The following SH3PXD2A variants were observed in gnomAD, a reference collection of about 807,000 sequenced individuals.
SH3PXD2A encodes SH3 and PX domains 2A.
In SH3PXD2A, 32 loss-of-function variants were observed where a neutral mutation model predicts 115.2. The observed-to-expected ratio is 0.28, with a 90% CI of 0.21 to 0.37. The LOEUF (loss-of-function observed/expected upper bound fraction) is 0.37, where lower values mean the gene tolerates loss of function less well. Among genes scored for constraint, SH3PXD2A ranks in the 10% least tolerant of loss-of-function variants. The probability of loss-of-function intolerance (pLI) is 1.00; values close to 1 mark genes in which losing one functional copy is unlikely to be tolerated. For synonymous variants in SH3PXD2A, 610 were observed against 629.1 expected (o/e 0.97, Z 0.45); for missense variants, 1,328 against 1,498.7 (o/e 0.89, Z 1.88).
At chr10:103,791,735 C>T (rs778713876) in intron 2 of SH3PXD2A, among the ~76,000 whole-genome samples, 3 of 152,028 alleles carry the variant, frequency 2.0e-5, no homozygotes, top group Non-Finnish European at 4.4e-5. Context: ...CCCACAAGCA[C>T]AGGGGTCTTC....
At chr10:103,744,784 A>G (rs1387112934) in intron 3 of SH3PXD2A, among the ~76,000 whole-genome samples, 1 of 152,216 alleles carries the variant, frequency 6.6e-6, no homozygotes, top group Non-Finnish European at 1.5e-5. Context: ...CAGCAGCCTG[A>G]GGCATACTGA....
chr10:103,601,601 T>C lies in SH3PXD2A; in HGVS notation c.*215A>G. ...GCCTGGGACTCCCTGGTCCATTCCC[T>C]TCCTCACTCAGTGTGGGCACCCCCA... On this transcript the variant is annotated 3_prime_UTR_variant, in exon 15 of 15. Transcript: ENST00000369774. The C allele has an allele frequency of 2.0e-6, 1 of 510,220 alleles. No homozygotes were observed. The highest frequency in any genetic ancestry group is 2.6e-5 in the South Asian group (1 of 38,100). The allele number at this position is 510,220 out of a possible 1,614,324, so 31.6% of individuals were successfully genotyped here.
intron 1 of SH3PXD2A, among the ~76,000 whole-genome samples, chr10:103,824,073 T>A (rs982344135): frequency 6.6e-6 from 1 of 152,152 alleles, no homozygotes; most frequent in Non-Finnish European, 1.5e-5. Flanking sequence ...CGGGGCTATT[T>A]TGAAGCTCTG....
At chr10:103,658,298 G>A (rs1352289137) in intron 8 of SH3PXD2A, among the ~76,000 whole-genome samples, 1 of 152,220 alleles carries the variant, frequency 6.6e-6, no homozygotes, top group Non-Finnish European at 1.5e-5. Context: ...CTGTGGGCAA[G>A]GCAAGGCCCA....
chr10:103,840,637 G>A (rs115818065), intron 1 of SH3PXD2A, among the ~76,000 whole-genome samples: 486 of 152,322 alleles, frequency 3.2e-3, no homozygotes, highest in African/African-American at 0.011. Context: ...CTGGAGTCCC[G>A]CTGCCTGGCT....
intron 7 of SH3PXD2A, among the ~76,000 whole-genome samples, chr10:103,662,361 G>GGGGGA (rs2037321883): frequency 9.6e-6 from 1 of 104,418 alleles, no homozygotes. Context: ...GGCGGGGGGG[G>GGGGGA]ATAAGACACT....
rs2036179323 is a variant in SH3PXD2A at position 103,599,118 on chromosome 10, TAA to T, written c.*2696_*2697del. The T allele has an allele frequency of 6.6e-6, 1 of 152,494 alleles. No homozygotes were observed. Among genetic ancestry groups the T allele is most frequent in the African/African-American group, 2.4e-5 (1 of 41,398 alleles). 9.4% of individuals were successfully genotyped at this position (152,494 alleles called of 1,614,324 possible). A position where few individuals can be genotyped will look rare whatever the true frequency, so the allele number is the denominator to read the frequency against. Reference sequence around the variant, plus strand: ...TTAATGTAGTGGGGAGATCTGTCATTAACTAGCTGTGGGATTTTGGAAAAGTT... The same window carrying T: ...TTAATGTAGTGGGGAGATCTGTCATTCTAGCTGTGGGATTTTGGAAAAGTT... On this transcript the variant is annotated 3_prime_UTR_variant, in exon 15 of 15. Transcript: ENST00000369774.
chr10:103,675,928 A>G (rs1394076119), intron 6 of SH3PXD2A, among the ~76,000 whole-genome samples: 1 of 152,124 alleles, frequency 6.6e-6, no homozygotes, highest in Admixed American at 6.5e-5. Context: ...AATCTCAGCT[A>G]CTTGGGCGGC....
At chr10:103,645,441 C>G (rs1301847515) in intron 8 of SH3PXD2A, among the ~76,000 whole-genome samples, 1 of 152,166 alleles carries the variant, frequency 6.6e-6, no homozygotes, top group African/African-American at 2.4e-5. Flanking sequence ...CTTCAAGGAC[C>G]CAAGGCACAG....
rs539208910 is a variant in SH3PXD2A at position 103,772,821 on chromosome 10, C to A, written c.154-5652G>T. 7.9e-5 allele frequency among the ~76,000 whole-genome samples: 12 copies of A among 152,300 alleles called. No homozygotes were observed. The East Asian group carries it at 1.2e-3, about 15-fold the overall frequency. On this transcript the variant is annotated intron_variant, in intron 2 of 14. Transcript: ENST00000369774. ...CTCCCAGAGACTCAAGCTTTCAGGC[C>A]CCAATCCTCAAACCTTCATCCTTGT... is the stretch of plus-strand genomic sequence containing the variant.
intron 4 of SH3PXD2A, among the ~76,000 whole-genome samples, chr10:103,731,180 A>C (rs2038315534): frequency 6.8e-6 from 1 of 146,782 alleles, no homozygotes; most frequent in African/African-American, 2.5e-5. Context: ...TTTTTTTTTG[A>C]AACAGGGTCT....
chr10:103,823,692 G>C (rs1362229913), intron 1 of SH3PXD2A, among the ~76,000 whole-genome samples: 1 of 152,232 alleles, frequency 6.6e-6, no homozygotes, highest in Non-Finnish European at 1.5e-5. Flanking sequence ...TCCAGTCCCG[G>C]TGGGACTGAT....
intron 2 of SH3PXD2A, among the ~76,000 whole-genome samples, chr10:103,788,684 T>C (rs1468091152): frequency 6.6e-6 from 1 of 151,984 alleles, no homozygotes; most frequent in Non-Finnish European, 1.5e-5. Flanking sequence ...CTGGCCAACA[T>C]GGAGAAACCC....
intron 6 of SH3PXD2A, among the ~76,000 whole-genome samples, chr10:103,673,763 T>C (rs1057096764): frequency 3.3e-5 from 5 of 152,156 alleles, no homozygotes; most frequent in African/African-American, 4.8e-5. Context: ...GAGTGGGCCA[T>C]GAGCCCAGGT....
chr10:103,802,919 G>A (rs1488300078), intron 1 of SH3PXD2A, among the ~76,000 whole-genome samples: 1 of 152,312 alleles, frequency 6.6e-6, no homozygotes, highest in African/African-American at 2.4e-5. Flanking sequence ...GAATAAAATA[G>A]CCAGTGAGGC....
rs564198467 is a variant in SH3PXD2A, at chr10:103,786,023, AAGAGAGAC to A, written c.153+15251_153+15258del. Among the ~76,000 whole-genome samples the A allele has an allele frequency of 1.1e-3, 166 of 152,170 alleles. No homozygotes were observed. The Middle Eastern group carries it at 0.037, about 34-fold the overall frequency. Reference sequence around the variant, plus strand: ...CAGAGAGAAATAGAGAAACTGAGGAAAGAGAGACAGAGAGAGAACACCACAGGGAGAAT... The same window carrying A: ...CAGAGAGAAATAGAGAAACTGAGGAAAGAGAGAGAACACCACAGGGAGAAT... On this transcript the variant is annotated intron_variant, in intron 2 of 14. Transcript: ENST00000369774.
At chr10:103,752,429 G>A (rs1486211767) in intron 3 of SH3PXD2A, among the ~76,000 whole-genome samples, 1 of 152,180 alleles carries the variant, frequency 6.6e-6, no homozygotes, top group African/African-American at 2.4e-5. Flanking sequence ...TTTCACAGAC[G>A]AGGGAACTCA....
At chr10:103,831,032 C>A (rs999133021) in intron 1 of SH3PXD2A, among the ~76,000 whole-genome samples, 1 of 152,176 alleles carries the variant, frequency 6.6e-6, no homozygotes, top group Non-Finnish European at 1.5e-5. Flanking sequence ...AAGACAGGTG[C>A]GAAGCATCCT....
chr10:103,750,956 G>T (rs979838505), intron 3 of SH3PXD2A, among the ~76,000 whole-genome samples: 2 of 152,200 alleles, frequency 1.3e-5, no homozygotes, highest in African/African-American at 4.8e-5. Flanking sequence ...GCTAGGCCAC[G>T]CAGAGAGGCT....
Sources: gnomAD v4.1 joint callset for allele counts (sites outside exome capture counted in the v4.1 genomes callset) on GRCh38, gnomAD v4.1.1 for gene constraint, MANE v1.5 for transcripts, NCBI Gene and HGNC (gene_info 2026-07-23, HGNC 2026-07-21) for gene names.